The following MYO15B variants were observed in gnomAD, a reference collection of about 807,000 sequenced individuals.
MYO15B encodes the protein myosin XVB pseudogene.
MYO15B carries 207 observed loss-of-function variants against 119.3 expected under a neutral mutation model. The observed-to-expected ratio is 1.73, with a 90% CI of 1.55 to 1.95. The LOEUF (loss-of-function observed/expected upper bound fraction) is 1.95. Among genes scored for constraint, MYO15B ranks in the 30% most tolerant of loss-of-function variants. The pLI, the probability that MYO15B is intolerant of heterozygous loss-of-function variation, is 0.00. For synonymous variants in MYO15B, 966 were observed against 498.9 expected, an observed-to-expected ratio of 1.94 and a Z score of -12.48; for missense variants, 2,264 against 1,203.1, an observed-to-expected ratio of 1.88 and a Z score of -13.04.
chr17:75,621,297 A>G (rs820183), intron 50 of MYO15B, 48 bp from the exon 51 acceptor site: 240,294 of 678,400 alleles, frequency 0.35, 43,944 homozygotes, highest in Middle Eastern at 0.46. Context: ...GCTGGGATGA[A>G]GGCAGGAGGG....
At chr17:75,608,735 G>T (rs1332963929) in intron 21 of MYO15B, among the ~76,000 whole-genome samples, 7 of 151,792 alleles carry the variant, frequency 4.6e-5, no homozygotes, top group Admixed American at 3.9e-4. Flanking sequence ...TTTTGTTGTT[G>T]TTGTTGTTTT....
intron 53 of MYO15B, 53 bp from the exon 54 acceptor site, chr17:75,623,728 C>T (rs2058838060): frequency 1.4e-6 from 1 of 700,614 alleles, no homozygotes; most frequent in Non-Finnish European, 2.6e-6. Context: ...GGCTTCAGAC[C>T]CCAGGCTCAC....
chr17:75,601,453 T>G (rs1010890245), exon 15 of MYO15B: 12 of 702,930 alleles, frequency 1.7e-5, no homozygotes, highest in Non-Finnish European at 2.9e-5. Flanking sequence ...GGACCACACC[T>G]TCCTCCAGAA....
exon 36 of MYO15B, chr17:75,615,777 G>A (rs1351831045): frequency 1.4e-6 from 1 of 702,390 alleles, no homozygotes. Context: ...GGCCTCCGAG[G>A]CTGCGTCCCA....
chr17:75,616,738 G>T (rs1598884036), exon 39 of MYO15B: 2 of 703,076 alleles, frequency 2.8e-6, no homozygotes, highest in East Asian at 5.4e-5. Context: ...TCATCCGCAT[G>T]TACCAGAGCC....
At chr17:75,625,445 C>A in intron 60 of MYO15B, 82 bp from the exon 61 acceptor site, 2 of 685,992 alleles carry the variant, frequency 2.9e-6, no homozygotes, top group Non-Finnish European at 2.7e-6. Flanking sequence ...CCACAATAGG[C>A]ACTGGTTATT....
chr17:75,626,138 A>G (rs889290074), exon 63 of MYO15B: 1 of 702,950 alleles, frequency 1.4e-6, no homozygotes, highest in African/African-American at 1.7e-5. Context: ...TCCACCTGCT[A>G]AGCCCTCTGG....
intron 14 of MYO15B, among the ~76,000 whole-genome samples, chr17:75,597,413 A>G (rs903262449): frequency 3.3e-5 from 5 of 152,222 alleles, no homozygotes; most frequent in Admixed American, 6.5e-5. Flanking sequence ...CACAGCGTCT[A>G]TTCATTCACT....
intron 12 of MYO15B, among the ~76,000 whole-genome samples, chr17:75,595,754 C>G (rs554552009): frequency 6.6e-6 from 1 of 152,220 alleles, no homozygotes; most frequent in African/African-American, 2.4e-5. Context: ...CCACTTCCCC[C>G]ACGTCAGGAG....
chr17:75,602,862 C>G (rs2057373225), exon 17 of MYO15B: 1 of 655,734 alleles, frequency 1.5e-6, no homozygotes, highest in Admixed American at 2.3e-5. Flanking sequence ...AGGCAGAGCC[C>G]CAGTCCAGGG....
At chr17:75,610,687 C>T (rs954833967) in intron 22 of MYO15B, 14 of 576,900 alleles carry the variant, frequency 2.4e-5, no homozygotes, top group Non-Finnish European at 3.4e-5. Context: ...GCCCTCTTCC[C>T]GGTGCCCTGG....
Position 75,616,520 on chromosome 17 carries a change from T to A in MYO15B, c.6245-4T>A. On this transcript the variant is annotated splice_region_variant and splice_polypyrimidine_tract_variant and intron_variant, in intron 38 of 63. Coordinates refer to ENST00000645453, the Ensembl canonical transcript of MYO15B. ...GTTAACAGTCTTTCCTGTTTCCTGG[T>A]CAGTGCCGTCCCCTCCTCCTCCCCC... is the stretch of plus-strand genomic sequence containing the variant. 1.4e-6 allele frequency: 1 copy of A among 701,204 alleles called. No individual in the cohort carries two copies. The allele number at this position is 701,204 out of a possible 1,614,324, so 43.4% of individuals were successfully genotyped here.
chr17:75,617,882 C>T (rs2058475046), exon 42 of MYO15B: 1 of 702,784 alleles, frequency 1.4e-6, no homozygotes, highest in Non-Finnish European at 2.6e-6. Context: ...GTGTGCTTCT[C>T]CTACACCGGC....
At position 75,618,938 on chromosome 17, in the gene MYO15B, G is replaced by A. The variant is rs1038139225; in HGVS notation, c.6988-205G>A. ...GGGAGGGCTGGCAGTTGCAGGGGAG[G>A]GGACAGGTGAGACGTGTGAATGGAG... On this transcript the variant is annotated intron_variant, in intron 43 of 63. Transcript: ENST00000645453. 4 of 593,748 alleles carry A rather than the reference G, an allele frequency of 6.7e-6. No individual in the cohort carries two copies. The Admixed American group carries it at 1.2e-4, about 18-fold the overall frequency. 36.8% of individuals were successfully genotyped at this position (593,748 alleles called of 1,614,324 possible). A position where few individuals can be genotyped will look rare whatever the true frequency, so the allele number is the denominator to read the frequency against.
intron 19 of MYO15B, among the ~76,000 whole-genome samples, chr17:75,604,796 A>G (rs1405192357): frequency 2.0e-5 from 3 of 152,038 alleles, no homozygotes; most frequent in South Asian, 4.2e-4. Flanking sequence ...AAATTTTTTA[A>G]TGATCTAGAA....
chr17:75,625,498 G>T (rs1463992018), intron 60 of MYO15B, 29 bp from the exon 61 acceptor site: 2 of 702,760 alleles, frequency 2.8e-6, no homozygotes, highest in East Asian at 5.4e-5. Context: ...GTGGTCAGGG[G>T]CCAAACTGAC....
At chr17:75,610,280 C>T (rs796575856) in intron 22 of MYO15B, 21 bp downstream of exon 22, 2 of 688,580 alleles carry the variant, frequency 2.9e-6, no homozygotes, top group Non-Finnish European at 2.6e-6. Flanking sequence ...TTGGGTGGGG[C>T]GGTTCAGGGT....
intron 42 of MYO15B, 81 bp downstream of exon 42, chr17:75,618,003 CCCCAGCATCCCCTCCCCACAG>C: frequency 1.4e-6 from 1 of 690,338 alleles, no homozygotes; most frequent in African/African-American, 1.7e-5. Flanking sequence ...CAGCCTGGGA[CCCCAGCATCCCCTCCCCACAG>C]CCCACCATCT....
At chr17:75,593,949 G>A (rs2056662336) in intron 9 of MYO15B, among the ~76,000 whole-genome samples, 1 of 150,298 alleles carries the variant, frequency 6.7e-6, no homozygotes, top group Admixed American at 6.7e-5. Flanking sequence ...GATTAGCTGG[G>A]CATGGTGGCA....
Sources: gnomAD v4.1 joint callset for allele counts (sites outside exome capture counted in the v4.1 genomes callset) on GRCh38, gnomAD v4.1.1 for gene constraint, MANE v1.5 for transcripts, NCBI Gene and HGNC (gene_info 2026-07-23, HGNC 2026-07-21) for gene names.